Variants in COMMD10 observed in about 807,000 individuals in gnomAD.
COMMD10 encodes COMM domain-containing protein 10.
A neutral mutation model predicts 28.9 loss-of-function variants in COMMD10; 33 were observed. That is an observed-to-expected ratio of 1.14 (90% CI 0.87 to 1.53). COMMD10 has a LOEUF of 1.53. Ranked by LOEUF, COMMD10 falls within the 40% of genes most tolerant of loss-of-function variation. COMMD10 has a pLI of 0.00. For synonymous variants in COMMD10, 110 were observed against 81.7 expected (o/e 1.35, Z -1.87); for missense variants, 310 against 233.4 (o/e 1.33, Z -2.14).
chr5:116,152,047 G>A (rs1008411552), intron 5 of COMMD10, among the ~76,000 whole-genome samples: 1 of 152,106 alleles, frequency 6.6e-6, no homozygotes, highest in Non-Finnish European at 1.5e-5. Flanking sequence ...AGAGATTCTG[G>A]TATGTTGTGT....
chr5:116,086,475 T>A (rs554903550), intron 1 of COMMD10, among the ~76,000 whole-genome samples: 2 of 151,174 alleles, frequency 1.3e-5, no homozygotes, highest in East Asian at 4.0e-4. Flanking sequence ...TTTTTTTCCC[T>A]GAGAGGGCGT....
chr5:116,252,440 A>G (rs253964), intron 5 of COMMD10, among the ~76,000 whole-genome samples: 94,172 of 112,222 alleles, frequency 0.84, 40,973 homozygotes, highest in Non-Finnish European at 0.88. Context: ...TAGGTCTAAC[A>G]TTTAAGTCCT....
At chr5:116,244,806 G>A (rs1173390985) in intron 5 of COMMD10, among the ~76,000 whole-genome samples, 3 of 151,842 alleles carry the variant, frequency 2.0e-5, no homozygotes, top group Admixed American at 6.6e-5. Flanking sequence ...CAAAATACCG[G>A]AATCTATGGA....
intron 5 of COMMD10, among the ~76,000 whole-genome samples, chr5:116,174,690 C>G (rs934578335): frequency 1.3e-5 from 2 of 151,980 alleles, no homozygotes; most frequent in Non-Finnish European, 2.9e-5. Flanking sequence ...AAAGATAACC[C>G]CAAAATTTAC....
intron 5 of COMMD10, among the ~76,000 whole-genome samples, chr5:116,227,576 A>G (rs1369913781): frequency 2.6e-5 from 4 of 151,998 alleles, no homozygotes; most frequent in Admixed American, 2.0e-4. Context: ...CCCGTCCACT[A>G]TTACCTGTGG....
At chr5:116,269,661 T>G (rs1750702352) in intron 5 of COMMD10, among the ~76,000 whole-genome samples, 1 of 151,876 alleles carries the variant, frequency 6.6e-6, no homozygotes, top group Non-Finnish European at 1.5e-5. Context: ...TCTCAAATAT[T>G]TTAGCCTCTT....
chr5:116,290,450 T>C (rs1233691994), intron 5 of COMMD10, among the ~76,000 whole-genome samples: 2 of 151,878 alleles, frequency 1.3e-5, no homozygotes, highest in Non-Finnish European at 2.9e-5. Flanking sequence ...AAGAGTGAGA[T>C]GCATTTTCTG....
At chr5:116,115,615 A>G (rs545484860) in intron 4 of COMMD10, among the ~76,000 whole-genome samples, 9 of 152,300 alleles carry the variant, frequency 5.9e-5, no homozygotes, top group African/African-American at 1.7e-4. Context: ...CTATGTGTTC[A>G]TAACATTTAT....
chr5:116,124,976 G>T (rs1751574473), intron 4 of COMMD10, among the ~76,000 whole-genome samples: 1 of 152,082 alleles, frequency 6.6e-6, no homozygotes, highest in Non-Finnish European at 1.5e-5. Context: ...ACGTGAAGTG[G>T]TTCTCCTGAA....
At chr5:116,134,201 A>C in intron 5 of COMMD10, 23 bp downstream of exon 5, 1 of 1,352,990 alleles carries the variant, frequency 7.4e-7, no homozygotes, top group Non-Finnish European at 1.1e-6. Flanking sequence ...ATCCCATTAA[A>C]AGGATGTATT....
Position 116,236,322 on chromosome 5 carries a change from G to A in COMMD10, c.511-55195G>A, listed in dbSNP as rs538420882. Among the ~76,000 whole-genome samples, 5 of 151,976 alleles carry A rather than the reference G, an allele frequency of 3.3e-5. No individual in the cohort carries two copies. In the South Asian group the frequency reaches 8.3e-4, roughly 25 times the overall value. On this transcript the variant is annotated intron_variant, in intron 5 of 6. Transcript: ENST00000274458. ...AGTTCAAGACCAACCTGGCCAACAT[G>A]GTGAAACTCTGTCTCTACTAAAAGT...
chr5:116,151,804 C>T (rs1205423634), intron 5 of COMMD10, among the ~76,000 whole-genome samples: 1 of 152,040 alleles, frequency 6.6e-6, no homozygotes, highest in Admixed American at 6.6e-5. Flanking sequence ...TTTCAAAAAA[C>T]CAGTTCCTGG....
At chr5:116,120,680 G>A (rs530004372) in intron 4 of COMMD10, among the ~76,000 whole-genome samples, 8 of 151,220 alleles carry the variant, frequency 5.3e-5, no homozygotes, top group African/African-American at 1.9e-4. Flanking sequence ...TATACTTTTT[G>A]TATGTGTCTG....
chr5:116,095,721 C>T (rs1305083731), intron 4 of COMMD10, among the ~76,000 whole-genome samples: 1 of 151,742 alleles, frequency 6.6e-6, no homozygotes, highest in Non-Finnish European at 1.5e-5. Context: ...TAAATATTTA[C>T]TGTTTTCTTC....
chr5:116,242,581 A>T (rs1749841796), intron 5 of COMMD10, among the ~76,000 whole-genome samples: 1 of 152,138 alleles, frequency 6.6e-6, no homozygotes, highest in Admixed American at 6.6e-5. Context: ...ATTATTTTGA[A>T]AAGCAGCCAG....
At chr5:116,227,100 C>G (rs749167014) in intron 5 of COMMD10, among the ~76,000 whole-genome samples, 3 of 151,990 alleles carry the variant, frequency 2.0e-5, no homozygotes, top group Non-Finnish European at 4.4e-5. Flanking sequence ...GGGTCTGTAT[C>G]TATCTGTGCT....
intron 5 of COMMD10, chr5:116,255,798 G>A (rs1005525832): frequency 6.6e-6 from 1 of 150,616 alleles, no homozygotes; most frequent in Admixed American, 6.6e-5. Flanking sequence ...TTACTTTTTC[G>A]GGTTGTACCT....
At chr5:116,159,565 T>A (rs911368579) in intron 5 of COMMD10, among the ~76,000 whole-genome samples, 1 of 152,130 alleles carries the variant, frequency 6.6e-6, no homozygotes. Context: ...AAGTCAGTGA[T>A]GTGAGAGAAA....
At chr5:116,268,542 G>T (rs1750665275) in intron 5 of COMMD10, among the ~76,000 whole-genome samples, 1 of 151,928 alleles carries the variant, frequency 6.6e-6, no homozygotes, top group African/African-American at 2.4e-5. Flanking sequence ...AGACAGTGTG[G>T]CGATTCCTCA....
Sources: allele counts gnomAD v4.1 joint callset (sites outside exome capture counted in the v4.1 genomes callset), GRCh38; gene constraint gnomAD v4.1.1; transcripts MANE v1.5; gene names NCBI Gene and HGNC (gene_info 2026-07-23, HGNC 2026-07-21).